The following PMM1 variants were observed in gnomAD, a reference collection of about 807,000 sequenced individuals.
The protein encoded by PMM1 is phosphomannomutase 1.
A neutral mutation model predicts 34.0 loss-of-function variants in PMM1; 25 were observed. The observed-to-expected ratio is 0.73, with a 90% CI of 0.54 to 1.03. PMM1 has a LOEUF of 1.03. PMM1 is among the 50% of genes least tolerant of loss of function. The probability of loss-of-function intolerance (pLI) is 0.00; values close to 1 mark genes in which losing one functional copy is unlikely to be tolerated. For synonymous variants in PMM1, 134 were observed against 143.9 expected (o/e 0.93, Z 0.49); for missense variants, 321 against 350.1 (o/e 0.92, Z 0.66).
At position 41,577,186 on chromosome 22, in the gene PMM1, C is replaced by T. The variant is rs1219315117; in HGVS notation, c.*132G>A. 2.5e-6 allele frequency: 3 copies of T among 1,222,032 alleles called. No homozygotes were observed. The highest frequency in any genetic ancestry group is 4.6e-5 in the East Asian group (2 of 43,050). 75.7% of individuals were successfully genotyped at this position (1,222,032 alleles called of 1,614,324 possible). A position where few individuals can be genotyped will look rare whatever the true frequency, so the allele number is the denominator to read the frequency against. ...GGACGGTTGTCCACACAGACTCTGG[C>T]CCCATCTGGGTGGGCTTGCAGCAGG... On this transcript the variant is annotated 3_prime_UTR_variant, in exon 8 of 8. Transcript: ENST00000216259.
chr22:41,586,179 C>T lies in PMM1; in HGVS notation c.102G>A (p.Glu34=). ...GTAGCTTCTGCAGGAAGGCGGCCAC[C>T]TCAGGGTCAATTTTCTATGGGGGGA... The part of the protein sequence containing the change: ...LTPARQKIDP[E]VAAFLQKLRS... Residue 34 remains glutamate (E), a synonymous_variant, in exon 2 of 8, where the codon GAG becomes GAA. Transcript: ENST00000216259. 6.2e-7 allele frequency: 1 copy of T among 1,610,484 alleles called. No homozygotes were observed. The highest frequency in any genetic ancestry group is 1.1e-5 in the South Asian group (1 of 90,954).
chr22:41,584,130 G>T, intron 4 of PMM1, 72 bp from the exon 5 acceptor site: 1 of 1,362,022 alleles, frequency 7.3e-7, no homozygotes. Context: ...CCCCACCTGG[G>T]ACCCCAGCCT....
chr22:41,584,767 C>T lies in PMM1; in HGVS notation c.206-164G>A, dbSNP rs1601493665. 5.1e-6 allele frequency: 3 copies of T among 586,242 alleles called. No individual in the cohort carries two copies. In the East Asian group the frequency reaches 8.5e-5, roughly 17 times the overall value. The allele number at this position is 586,242 out of a possible 1,614,324, so 36.3% of individuals were successfully genotyped here. ...TGCTTCTCCAGCCTTTCTCCCTCTG[C>T]AGCTTGGTTTTCTTCCAAAGAAGCC... On this transcript the variant is annotated intron_variant, in intron 2 of 7. Coordinates refer to ENST00000216259, the MANE Select transcript of PMM1 (RefSeq NM_002676.3).
chr22:41,578,033 G>T, intron 6 of PMM1, 110 bp from the exon 7 acceptor site: 2 of 760,310 alleles, frequency 2.6e-6, no homozygotes, highest in Non-Finnish European at 4.6e-6. Context: ...GCCTACTGAG[G>T]GCCAGGAATA....
At chr22:41,580,429 C>A (rs1192502512) in intron 5 of PMM1, 1 of 152,218 alleles carries the variant, frequency 6.6e-6, no homozygotes, top group Non-Finnish European at 1.5e-5. Flanking sequence ...GGGTGTGGCT[C>A]CCCAACTCCA....
Position 41,577,841 on chromosome 22 carries a change from G to A in PMM1, c.633C>T (p.Asp211=). 6.2e-7 allele frequency: 1 copy of A among 1,613,484 alleles called. No individual in the cohort carries two copies. The highest frequency in any genetic ancestry group is 1.7e-5 in the Admixed American group (1 of 60,018). ...TCTCGTTCCCAAAGAAGTGGATGGT[G>A]TCGAAGCTGTCCTGGTCCAGGCTAT... is the stretch of plus-strand genomic sequence containing the variant. ...CLDSLDQDSF[D]TIHFFGNETS... Residue 211 remains aspartate (D), a synonymous_variant, in exon 7 of 8, where the codon GAC becomes GAT. Transcript: ENST00000216259.
In PMM1 at chr22:41,577,457, G is replaced by A. The variant is rs1346146151; in HGVS notation, c.667-17C>T. 6.2e-7 allele frequency: 1 copy of A among 1,604,806 alleles called. No individual in the cohort carries two copies. Among genetic ancestry groups the A allele is most frequent in the East Asian group, 2.2e-5 (1 of 44,654 alleles). ...GTTCCCACCCTGCACACAGAGGATG[G>A]GCAGAGGAGGGATATTTAGGTGGAG... On this transcript the variant is annotated splice_polypyrimidine_tract_variant and intron_variant, in intron 7 of 7. Coordinates refer to ENST00000216259, the MANE Select transcript of PMM1 (RefSeq NM_002676.3).
At chr22:41,587,533 A>C (rs1432938335) in intron 1 of PMM1, among the ~76,000 whole-genome samples, 1 of 151,958 alleles carries the variant, frequency 6.6e-6, no homozygotes, top group Non-Finnish European at 1.5e-5. Context: ...AGGCGGGAGA[A>C]TCACTTGAGC....
At position 41,579,226 on chromosome 22, in the gene PMM1, G is replaced by T. The variant is rs565575045; in HGVS notation, c.475-345C>A. The T allele has an allele frequency of 5.6e-4, 154 of 275,248 alleles. 5 individuals are homozygous for T. Among genetic ancestry groups the T allele is most frequent in the South Asian group, 5.5e-3 (120 of 21,682 alleles). 17.1% of individuals were successfully genotyped at this position (275,248 alleles called of 1,614,324 possible). On this transcript the variant is annotated intron_variant, in intron 5 of 7. Coordinates refer to ENST00000216259, the MANE Select transcript of PMM1 (RefSeq NM_002676.3). ...CCACCTCAGGGCAGGGCTCGATCCT[G>T]TTATCTGTAACCAGCTCAACAAAGC...
chr22:41,583,170 C>T (rs1197350748), intron 5 of PMM1, among the ~76,000 whole-genome samples: 5 of 151,974 alleles, frequency 3.3e-5, no homozygotes, highest in East Asian at 3.9e-4. Context: ...GGGGTGAATG[C>T]GGCTGACATG....
At chr22:41,579,166 G>A (rs931257975) in intron 5 of PMM1, 2 of 412,678 alleles carry the variant, frequency 4.8e-6, no homozygotes, top group African/African-American at 2.0e-5. Flanking sequence ...TAGGAAGGGC[G>A]AGGAGACGGG....
At position 41,577,202 on chromosome 22, in the gene PMM1, T is replaced by C. The variant is rs535860626; in HGVS notation, c.*116A>G. On this transcript the variant is annotated 3_prime_UTR_variant, in exon 8 of 8. Coordinates refer to ENST00000216259, the MANE Select transcript of PMM1 (RefSeq NM_002676.3). Reference sequence around the variant, plus strand: ...AGACTCTGGCCCCATCTGGGTGGGCTTGCAGCAGGCGTCCTGGGCCAGAGG... The same window carrying C: ...AGACTCTGGCCCCATCTGGGTGGGCCTGCAGCAGGCGTCCTGGGCCAGAGG... 4.2e-6 allele frequency: 6 copies of C among 1,424,582 alleles called. No homozygotes were observed. Among genetic ancestry groups the C allele is most frequent in the African/African-American group, 2.8e-5 (2 of 71,526 alleles). 88.2% of individuals were successfully genotyped at this position (1,424,582 alleles called of 1,614,324 possible). A position where few individuals can be genotyped will look rare whatever the true frequency, so the allele number is the denominator to read the frequency against.
In PMM1 at chr22:41,588,839, C is replaced by T. The variant is rs143288596; in HGVS notation, c.87+880G>A. On this transcript the variant is annotated intron_variant, in intron 1 of 7. Coordinates refer to ENST00000216259, the MANE Select transcript of PMM1 (RefSeq NM_002676.3). ...TAAAGCCCATCCCACTGCTCCCCCACGCTAGGAGACCTGTTGGTTGGTCCT... is the reference window on the plus strand; with the variant it reads ...TAAAGCCCATCCCACTGCTCCCCCATGCTAGGAGACCTGTTGGTTGGTCCT... The T allele has an allele frequency of 1.5e-5, 15 of 985,468 alleles. No homozygotes were observed. The East Asian group carries it at 4.5e-4, about 30-fold the overall frequency. The allele number at this position is 985,468 out of a possible 1,614,324, so 61.0% of individuals were successfully genotyped here. A position where few individuals can be genotyped will look rare whatever the true frequency, so the allele number is the denominator to read the frequency against.
Position 41,577,050 on chromosome 22 carries a change from T to C in PMM1, c.*268A>G, listed in dbSNP as rs565998702. The C allele has an allele frequency of 1.9e-6, 1 of 521,862 alleles. No individual in the cohort carries two copies. The highest frequency in any genetic ancestry group is 3.2e-5 in the Admixed American group (1 of 31,146). The allele number at this position is 521,862 out of a possible 1,614,324, so 32.3% of individuals were successfully genotyped here. A position where few individuals can be genotyped will look rare whatever the true frequency, so the allele number is the denominator to read the frequency against. Reference sequence around the variant, plus strand: ...CCTCCTGGTGCAGAAAGAAACCTCTTCTGTACCGAAATACAAGCAGCAGCT... The same window carrying C: ...CCTCCTGGTGCAGAAAGAAACCTCTCCTGTACCGAAATACAAGCAGCAGCT... On this transcript the variant is annotated 3_prime_UTR_variant, in exon 8 of 8. Coordinates refer to ENST00000216259, the MANE Select transcript of PMM1 (RefSeq NM_002676.3).
At chr22:41,589,611 C>T in intron 1 of PMM1, 108 bp downstream of exon 1, 1 of 965,940 alleles carries the variant, frequency 1.0e-6, no homozygotes, top group Non-Finnish European at 1.5e-6. Flanking sequence ...CCGCATCCCA[C>T]ACTCGGTCCC....
In PMM1 at chr22:41,583,966, A is replaced by T; in HGVS notation, c.467T>A (p.Leu156Gln). The T allele has an allele frequency of 6.2e-7, 1 of 1,604,994 alleles. No individual in the cohort carries two copies. The highest frequency in any genetic ancestry group is 8.5e-7 in the Non-Finnish European group (1 of 1,171,630). The stretch of plus-strand genomic sequence containing the variant: ...TTGCATAGCTAGTGGTACCTTGTCC[A>T]GTTCGGAGAACTCGATCCTCTCCTC... ...TLEERIEFSE[L>Q]DKKEKIREKF... Residue 156 changes from leucine (L) to glutamine (Q), a missense_variant, in exon 5 of 8, where the codon CTG (leucine) becomes CAG (glutamine). By Grantham distance (113) the Leu-to-Gln change is moderately radical (BLOSUM62 -2). Transcript: ENST00000216259.
rs750181177 is a variant in PMM1, at chr22:41,577,627, C to G, written c.666+181G>C. The G allele has an allele frequency of 2.5e-4, 198 of 795,940 alleles. 1 individual carries two copies. Among genetic ancestry groups the G allele is most frequent in the Non-Finnish European group, 3.6e-4 (178 of 495,306 alleles). 49.3% of individuals were successfully genotyped at this position (795,940 alleles called of 1,614,324 possible). ...AGTGCCCAGCCTCTTGGGGCCCCAGCTTTCCAATCTGTGTAACGGGGCTGG... is the reference window on the plus strand; with the variant it reads ...AGTGCCCAGCCTCTTGGGGCCCCAGGTTTCCAATCTGTGTAACGGGGCTGG... On this transcript the variant is annotated intron_variant, in intron 7 of 7. Transcript: ENST00000216259.
chr22:41,581,229 CAGG>C (rs1281393690), intron 5 of PMM1, among the ~76,000 whole-genome samples: 2 of 151,612 alleles, frequency 1.3e-5, no homozygotes, highest in African/African-American at 4.9e-5. Flanking sequence ...GAGGCTGAGG[CAGG>C]AGAATTGCTT....
chr22:41,588,828 C>T lies in PMM1; in HGVS notation c.87+891G>A, dbSNP rs905493330. On this transcript the variant is annotated intron_variant, in intron 1 of 7. Coordinates refer to ENST00000216259, the MANE Select transcript of PMM1 (RefSeq NM_002676.3). ...CCACTGCCCAGTAAAGCCCATCCCA[C>T]TGCTCCCCCACGCTAGGAGACCTGT... 3.0e-6 allele frequency: 3 copies of T among 985,364 alleles called. No individual in the cohort carries two copies. In the African/African-American group the frequency reaches 5.2e-5, roughly 17 times the overall value. 61.0% of individuals were successfully genotyped at this position (985,364 alleles called of 1,614,324 possible).
Sources: gnomAD v4.1 joint callset for allele counts (sites outside exome capture counted in the v4.1 genomes callset) on GRCh38, gnomAD v4.1.1 for gene constraint, MANE v1.5 for transcripts, NCBI Gene and HGNC (gene_info 2026-07-23, HGNC 2026-07-21) for gene names.